PCDHGB2: variants seen among roughly 807,000 people sequenced by gnomAD.
PCDHGB2 encodes the protein protocadherin gamma-B2.
Under a neutral mutation model 59.3 loss-of-function variants are expected in PCDHGB2, and 55 were observed. That is an observed-to-expected ratio of 0.93 (90% CI 0.75 to 1.16). The LOEUF (loss-of-function observed/expected upper bound fraction) is 1.16, where lower values mean the gene tolerates loss of function less well. Ranked by LOEUF, PCDHGB2 falls within the 50% of genes most tolerant of loss-of-function variation. The pLI is 0.00. For synonymous variants in PCDHGB2, 516 were observed against 512.0 expected, an observed-to-expected ratio of 1.01 and a Z score of -0.11; for missense variants, 1,228 against 1,198.5, an observed-to-expected ratio of 1.02 and a Z score of -0.36.
intron 1 of PCDHGB2, chr5:141,430,753 G>C (rs1175014357): frequency 6.6e-7 from 1 of 1,504,258 alleles, no homozygotes. Context: ...TCTGGAGGAA[G>C]ATAAGAATGA....
chr5:141,375,730 C>G (rs763067110), intron 1 of PCDHGB2: 3 of 1,614,266 alleles, frequency 1.9e-6, no homozygotes, highest in Non-Finnish European at 2.5e-6. Context: ...TGTCACTGAG[C>G]CTGTTTGTGC....
At position 141,460,338 on chromosome 5, in the gene PCDHGB2, T is replaced by C. The variant is rs1180912204; in HGVS notation, c.2422-34469T>C. Among the ~76,000 whole-genome samples, 4 of 152,222 alleles carry C rather than the reference T, an allele frequency of 2.6e-5. No homozygotes were observed. The East Asian group carries it at 7.7e-4, about 29-fold the overall frequency. On this transcript the variant is annotated intron_variant, in intron 1 of 3. Transcript: ENST00000522605. ...GCCTACTGAAAACTTATGATGATTT[T>C]CTCCTATATTTTCTTTTAGAAGTTT...
At chr5:141,382,671 T>C in intron 1 of PCDHGB2, 1 of 434,850 alleles carries the variant, frequency 2.3e-6, no homozygotes, top group Non-Finnish European at 4.0e-6. Context: ...GCGCCGCTGT[T>C]CACCAACCAG....
chr5:141,494,996 C>A (rs2099758091), intron 2 of PCDHGB2, 131 bp downstream of exon 2: 2 of 1,539,742 alleles, frequency 1.3e-6, no homozygotes, highest in African/African-American at 1.4e-5. Context: ...CCAGGGAGGT[C>A]TTGGTGTGCG....
At chr5:141,385,003 T>C (rs1480894446) in intron 1 of PCDHGB2, 1 of 1,614,148 alleles carries the variant, frequency 6.2e-7, no homozygotes, top group South Asian at 1.1e-5. Context: ...CACAGTCTCC[T>C]GCGTCTTCCT....
At chr5:141,391,253 T>C (rs1157052865) in intron 1 of PCDHGB2, 1 of 152,146 alleles carries the variant, frequency 6.6e-6, no homozygotes, top group Non-Finnish European at 1.5e-5. Flanking sequence ...AAGCAACTGC[T>C]TCAGTTAATG....
At chr5:141,503,729 G>C (rs531112359) in intron 2 of PCDHGB2, among the ~76,000 whole-genome samples, 1 of 152,190 alleles carries the variant, frequency 6.6e-6, no homozygotes, top group East Asian at 1.9e-4. Flanking sequence ...CTTTATGTTT[G>C]TTGTGATGGT....
At chr5:141,460,231 G>A (rs911633731) in intron 1 of PCDHGB2, among the ~76,000 whole-genome samples, 3 of 152,028 alleles carry the variant, frequency 2.0e-5, no homozygotes, top group Non-Finnish European at 4.4e-5. Context: ...CTTTTGAAGA[G>A]CAGAAGATGT....
At chr5:141,494,644 G>A in intron 1 of PCDHGB2, 163 bp from the exon 2 acceptor site, 1 of 933,684 alleles carries the variant, frequency 1.1e-6, no homozygotes. Flanking sequence ...TGAGACCTGA[G>A]GTGTATTTTG....
intron 1 of PCDHGB2, chr5:141,403,649 T>C: frequency 6.2e-7 from 1 of 1,613,874 alleles, no homozygotes; most frequent in Non-Finnish European, 8.5e-7. Context: ...TGTGACAGTG[T>C]TGGATACAAA....
rs759346998 is a variant in PCDHGB2, at chr5:141,410,849, CTTTTTTTTTT to C, written c.2421+48306_2421+48315del. Reference sequence around the variant, plus strand: ...CAGACTGAAGATATTTTGTCTTTGTCTTTTTTTTTTTTTTTTTTTTTTGAGATGGAGTCTC... The same window carrying C: ...CAGACTGAAGATATTTTGTCTTTGTCTTTTTTTTTTTTGAGATGGAGTCTC... On this transcript the variant is annotated intron_variant, in intron 1 of 3. Coordinates refer to ENST00000522605, the MANE Select transcript of PCDHGB2 (RefSeq NM_018923.3). 8 of 138,182 alleles carry C rather than the reference CTTTTTTTTTT, an allele frequency of 5.8e-5. 2 individuals are homozygous for C. The highest frequency in any genetic ancestry group is 7.3e-5 in the Non-Finnish European group (6 of 82,424). 8.6% of individuals were successfully genotyped at this position (138,182 alleles called of 1,614,324 possible). A position where few individuals can be genotyped will look rare whatever the true frequency, so the allele number is the denominator to read the frequency against.
intron 1 of PCDHGB2, chr5:141,382,716 C>G (rs11575956): frequency 0.036 from 17,699 of 487,890 alleles, 411 homozygotes; most frequent in Middle Eastern, 0.065. Flanking sequence ...CAGAAACCAC[C>G]GAGTTTTACA....
intron 1 of PCDHGB2, among the ~76,000 whole-genome samples, chr5:141,445,740 A>T (rs993128906): frequency 2.6e-5 from 4 of 152,226 alleles, no homozygotes; most frequent in Admixed American, 1.3e-4. Flanking sequence ...AGATCTTTTT[A>T]AAAAATAAAA....
intron 1 of PCDHGB2, chr5:141,414,628 A>T (rs1471507988): frequency 4.3e-6 from 7 of 1,613,900 alleles, no homozygotes; most frequent in Non-Finnish European, 5.9e-6. Flanking sequence ...GGACCCGGAC[A>T]GCAAAGAGAA....
In PCDHGB2 at chr5:141,418,980, A is replaced by G; in HGVS notation, c.2421+56424A>G. 1 of 1,614,004 alleles carries G rather than the reference A, an allele frequency of 6.2e-7. No individual in the cohort carries two copies. ...GTTGCCCTCTTCAAAACACGGGACC[A>G]AGACTCAGGGGAAAATGGGGAAGTC... On this transcript the variant is annotated intron_variant, in intron 1 of 3. Transcript: ENST00000522605.
intron 1 of PCDHGB2, among the ~76,000 whole-genome samples, chr5:141,472,711 C>T (rs1014451209): frequency 4.6e-5 from 7 of 151,904 alleles, no homozygotes; most frequent in Admixed American, 2.0e-4. Context: ...ACAGGCCAGG[C>T]GCTGTGGCTC....
At chr5:141,419,972 C>T (rs534128024) in intron 1 of PCDHGB2, 3 of 1,613,948 alleles carry the variant, frequency 1.9e-6, no homozygotes, top group South Asian at 1.1e-5. Flanking sequence ...GCTCTTTCTC[C>T]TCGCGGTGAT....
At chr5:141,471,114 T>A (rs1210058743) in intron 1 of PCDHGB2, among the ~76,000 whole-genome samples, 1 of 150,256 alleles carries the variant, frequency 6.7e-6, no homozygotes, top group Non-Finnish European at 1.5e-5. Context: ...AGTGGTGCGA[T>A]CTTACCTTCA....
intron 1 of PCDHGB2, among the ~76,000 whole-genome samples, chr5:141,473,380 G>A (rs1363453338): frequency 6.6e-6 from 1 of 152,204 alleles, no homozygotes; most frequent in African/African-American, 2.4e-5. Context: ...CATGGTCCCT[G>A]CCCTCCTGGA....
Sources: allele counts gnomAD v4.1 joint callset (sites outside exome capture counted in the v4.1 genomes callset), GRCh38; gene constraint gnomAD v4.1.1; transcripts MANE v1.5; gene names NCBI Gene and HGNC (gene_info 2026-07-23, HGNC 2026-07-21).